WIPF3: variants seen among roughly 807,000 people sequenced by gnomAD.
The protein encoded by WIPF3 is WAS/WASL interacting protein family member 3, also known as WAS/WASL-interacting protein family member 3.
In WIPF3, 33 loss-of-function variants were observed where a neutral mutation model predicts 38.9. That is an observed-to-expected ratio of 0.85 (90% CI 0.64 to 1.14). The LOEUF is 1.14. Ranked by LOEUF, WIPF3 falls within the 50% of genes most tolerant of loss-of-function variation. The probability of loss-of-function intolerance (pLI) is 0.00; values close to 1 mark genes in which losing one functional copy is unlikely to be tolerated. For synonymous variants in WIPF3, 324 were observed against 269.3 expected, an observed-to-expected ratio of 1.20 and a Z score of -1.99; for missense variants, 711 against 652.5, an observed-to-expected ratio of 1.09 and a Z score of -0.98.
chr7:29,870,696 G>T (rs1281094174), intron 2 of WIPF3, among the ~76,000 whole-genome samples: 1 of 152,188 alleles, frequency 6.6e-6, no homozygotes, highest in Non-Finnish European at 1.5e-5. Context: ...GGGGCACAGG[G>T]TGAATCAGCT....
intron 8 of WIPF3, among the ~76,000 whole-genome samples, chr7:29,909,448 A>G (rs1436930244): frequency 2.0e-5 from 3 of 152,262 alleles, no homozygotes; most frequent in African/African-American, 7.2e-5. Flanking sequence ...TGCTAAAATC[A>G]GAAATGAAAG....
At chr7:29,827,465 C>T (rs1018337808) in intron 1 of WIPF3, among the ~76,000 whole-genome samples, 5 of 152,268 alleles carry the variant, frequency 3.3e-5, no homozygotes, top group South Asian at 4.1e-4. Flanking sequence ...ACTACATTTA[C>T]GTTGAGAACC....
At position 29,884,424 on chromosome 7, in the gene WIPF3, G is replaced by GC; in HGVS notation, c.935dup (p.Leu313PhefsTer5). On this transcript the variant is annotated frameshift_variant, in exon 5 of 9. Coordinates refer to ENST00000242140, the MANE Select transcript of WIPF3 (RefSeq NM_001080529.3). LOFTEE classifies it high-confidence loss of function. ...GCTCCCCGAGGGCTTCTTTGCCCGC[G>GC]CCCCCTTTGCCAGGAGTTAATAGCA... The GC allele has an allele frequency of 6.9e-7, 1 of 1,456,270 alleles. No individual in the cohort carries two copies. The highest frequency in any genetic ancestry group is 9.1e-7 in the Non-Finnish European group (1 of 1,101,684). 90.2% of individuals were successfully genotyped at this position (1,456,270 alleles called of 1,614,324 possible).
At chr7:29,820,603 A>G (rs1446812243) in intron 1 of WIPF3, among the ~76,000 whole-genome samples, 2 of 152,058 alleles carry the variant, frequency 1.3e-5, no homozygotes, top group African/African-American at 4.8e-5. Context: ...CTTTTAATTT[A>G]GAGAGTATCC....
chr7:29,807,196 C>G (rs151280926), intron 1 of WIPF3, among the ~76,000 whole-genome samples: 104 of 152,204 alleles, frequency 6.8e-4, no homozygotes, highest in African/African-American at 2.5e-3. Context: ...CAGAAGGAGC[C>G]CCCTAGTGAG....
intron 1 of WIPF3, among the ~76,000 whole-genome samples, chr7:29,825,471 T>C (rs1307261414): frequency 6.6e-6 from 1 of 152,254 alleles, no homozygotes; most frequent in East Asian, 1.9e-4. Flanking sequence ...CGTGAATGTG[T>C]GATTAATATC....
intron 2 of WIPF3, among the ~76,000 whole-genome samples, chr7:29,859,932 A>G (rs962773001): frequency 1.3e-5 from 2 of 152,160 alleles, no homozygotes; most frequent in African/African-American, 4.8e-5. Context: ...AGGCTGTGTC[A>G]GGTAGAGGGA....
chr7:29,914,477 T>C lies in WIPF3; in HGVS notation c.1429-16T>C, dbSNP rs1050111870. 22 of 1,514,820 alleles carry C rather than the reference T, an allele frequency of 1.5e-5. No homozygotes were observed. Among genetic ancestry groups the C allele is most frequent in the Non-Finnish European group, 1.9e-5 (22 of 1,129,634 alleles). The allele number at this position is 1,514,820 out of a possible 1,614,324, so 93.8% of individuals were successfully genotyped here. ...CTTCTAACTCCACCTGGTAATGTTC[T>C]GTTATGTTTCCACAGTTATCTCTAA... On this transcript the variant is annotated splice_polypyrimidine_tract_variant and intron_variant, in intron 8 of 8. Coordinates refer to ENST00000242140, the MANE Select transcript of WIPF3 (RefSeq NM_001080529.3).
At chr7:29,824,904 T>G (rs1050047229) in intron 1 of WIPF3, among the ~76,000 whole-genome samples, 4 of 152,126 alleles carry the variant, frequency 2.6e-5, no homozygotes, top group Non-Finnish European at 4.4e-5. Flanking sequence ...CCTGGAACAG[T>G]AGGAATAAGG....
chr7:29,852,861 T>C (rs890307759), intron 2 of WIPF3, among the ~76,000 whole-genome samples: 45 of 152,350 alleles, frequency 3.0e-4, no homozygotes, highest in African/African-American at 1.1e-3. Flanking sequence ...TCCACAGCAA[T>C]TATAATCATA....
At chr7:29,829,794 G>A (rs6462180) in intron 1 of WIPF3, among the ~76,000 whole-genome samples, 6 of 151,968 alleles carry the variant, frequency 3.9e-5, no homozygotes, top group African/African-American at 4.8e-5. Flanking sequence ...TTCGGGCCTC[G>A]CGTGGAAGTG....
chr7:29,867,416 C>T (rs368396185), intron 2 of WIPF3, among the ~76,000 whole-genome samples: 3 of 152,122 alleles, frequency 2.0e-5, no homozygotes, highest in East Asian at 3.9e-4. Flanking sequence ...ATCTGCCAGG[C>T]GGGGGCATGT....
chr7:29,878,457 C>G lies in WIPF3; in HGVS notation c.224-552C>G, dbSNP rs757819016. Among the ~76,000 whole-genome samples, 1 of 152,132 alleles carries G rather than the reference C, an allele frequency of 6.6e-6. No homozygotes were observed. Among genetic ancestry groups the G allele is most frequent in the Non-Finnish European group, 1.5e-5 (1 of 68,022 alleles). ...TTTCCGTTCCATAGATGAAAAGGTGCAGGGAGGTGCGAGGGGCTGGGGGCT... is the reference window on the plus strand; with the variant it reads ...TTTCCGTTCCATAGATGAAAAGGTGGAGGGAGGTGCGAGGGGCTGGGGGCT... On this transcript the variant is annotated intron_variant, in intron 3 of 8. Transcript: ENST00000242140. This position sits in a 1 kb window ranked among gnomAD's most constrained non-coding sequence, Gnocchi z 4.0.
In WIPF3 at chr7:29,844,616, C is replaced by G. The variant is rs1045201942; in HGVS notation, c.90+9802C>G. ...TTGAGCCTAACTGCCGTGTGCCCCA[C>G]TGCCTCCAGCTGCGTGAACGGGTTC... is the stretch of plus-strand genomic sequence containing the variant. On this transcript the variant is annotated intron_variant, in intron 2 of 8. Transcript: ENST00000242140. The surrounding 1 kb of genome is among the most constrained non-coding windows in gnomAD (Gnocchi z 4.8). Among the ~76,000 whole-genome samples the G allele has an allele frequency of 6.6e-6, 1 of 152,246 alleles. No homozygotes were observed. The highest frequency in any genetic ancestry group is 1.5e-5 in the Non-Finnish European group (1 of 68,046).
At chr7:29,888,510 C>CGTGT (rs1295673715) in intron 6 of WIPF3, among the ~76,000 whole-genome samples, 3,083 of 147,836 alleles carry the variant, frequency 0.021, 44 homozygotes, top group African/African-American at 0.029. Context: ...CGTGTGTGTG[C>CGTGT]GTGTGTGTGT....
At chr7:29,822,123 G>GTTTTTTT in intron 1 of WIPF3, among the ~76,000 whole-genome samples, 82 of 62,784 alleles carry the variant, frequency 1.3e-3, no homozygotes, top group East Asian at 2.2e-3. Context: ...TTTTTTCTTA[G>GTTTTTTT]TTTTTTTTTT....
intron 2 of WIPF3, among the ~76,000 whole-genome samples, chr7:29,847,619 C>G (rs541865375): frequency 6.6e-5 from 10 of 152,272 alleles, no homozygotes; most frequent in Non-Finnish European, 1.5e-4. Context: ...GGAAACCCAG[C>G]AAGGTGTGTC....
At chr7:29,868,545 T>C (rs1299737762) in intron 2 of WIPF3, among the ~76,000 whole-genome samples, 4 of 147,300 alleles carry the variant, frequency 2.7e-5, no homozygotes, top group South Asian at 4.3e-4. Context: ...TACACACACA[T>C]ACACAAATAT....
At chr7:29,847,915 G>A (rs1364418403) in intron 2 of WIPF3, among the ~76,000 whole-genome samples, 3 of 152,198 alleles carry the variant, frequency 2.0e-5, no homozygotes, top group African/African-American at 7.2e-5. Context: ...GCGACAAGAG[G>A]TCAGGTGAAG....
Sources: gnomAD v4.1 joint callset for allele counts (sites outside exome capture counted in the v4.1 genomes callset) on GRCh38, gnomAD v4.1.1 for gene constraint, Gnocchi (gnomAD v3.1) non-coding constraint, MANE v1.5 for transcripts, NCBI Gene and HGNC (gene_info 2026-07-23, HGNC 2026-07-21) for gene names.